LHPP: variants seen among roughly 807,000 people sequenced by gnomAD.
LHPP encodes hLHPP.
In LHPP, 24 loss-of-function variants were observed where a neutral mutation model predicts 30.3. The ratio of observed to expected loss-of-function variants is 0.79; its 90% CI spans 0.57 to 1.11. The LOEUF is 1.11. Among genes scored for constraint, LHPP ranks in the 50% most tolerant of loss-of-function variants. LHPP has a pLI of 0.00. For missense variants in LHPP, 356 were observed against 367.2 expected (o/e 0.97, Z 0.25); for synonymous variants, 150 against 157.1 (o/e 0.95, Z 0.34).
intron 5 of LHPP, among the ~76,000 whole-genome samples, chr10:124,504,599 CAAA>C (rs59159229): frequency 1.9e-5 from 2 of 105,726 alleles, no homozygotes; most frequent in Admixed American, 1.1e-4. Context: ...GACCCTGTCT[CAAA>C]AAAAAAAAAA....
chr10:124,559,552 C>T (rs756641572), intron 6 of LHPP, among the ~76,000 whole-genome samples: 7 of 152,262 alleles, frequency 4.6e-5, no homozygotes, highest in Non-Finnish European at 7.3e-5. Flanking sequence ...AGGTCACCAC[C>T]CTGGCCACAG....
In LHPP at chr10:124,488,528, G is replaced by C. The variant is rs139838027; in HGVS notation, c.420G>C (p.Gln140His). Reference sequence around the variant, plus strand: ...ATCAAAACATGAATAACGCCTTCCAGGTGCTCATGGAGCTGGAAAAACCTG... The same window carrying C: ...ATCAAAACATGAATAACGCCTTCCACGTGCTCATGGAGCTGGAAAAACCTG... ...FSYQNMNNAF[Q>H]VLMELEKPVL... The change falls in exon 3 of 7, where the codon CAG becomes CAC. Residue 140 changes from glutamine (Q) to histidine (H), a missense_variant. Coordinates refer to ENST00000368842, the MANE Select transcript of LHPP (RefSeq NM_022126.4). 1.5e-4 allele frequency: 237 copies of C among 1,613,858 alleles called. No homozygotes were observed. In the African/African-American group the frequency reaches 2.7e-3, roughly 18 times the overall value.
chr10:124,609,345 T>C (rs1270119546), intron 6 of LHPP, among the ~76,000 whole-genome samples: 2 of 152,110 alleles, frequency 1.3e-5, no homozygotes, highest in East Asian at 3.9e-4. Context: ...CAGGCTCAGG[T>C]GATCCTCCCA....
intron 6 of LHPP, among the ~76,000 whole-genome samples, chr10:124,611,659 C>T (rs1344163681): frequency 6.6e-6 from 1 of 152,076 alleles, no homozygotes; most frequent in Admixed American, 6.5e-5. Context: ...CCTCAGCAGT[C>T]CCTGAGGGCC....
In LHPP at chr10:124,520,958, C is replaced by T. The variant is rs183676282; in HGVS notation, c.716+3687C>T. 3.6e-3 allele frequency among the ~76,000 whole-genome samples: 550 copies of T among 152,254 alleles called. 9 individuals carry two copies. The highest frequency in any genetic ancestry group is 2.8e-3 in the Non-Finnish European group (193 of 68,028). ...ATGCTGATATTTCGTGTTAATTTCA[C>T]CCATTTATTTAAATTTTTGTTAACG... On this transcript the variant is annotated intron_variant, in intron 6 of 6. Coordinates refer to ENST00000368842, the MANE Select transcript of LHPP (RefSeq NM_022126.4).
intron 6 of LHPP, among the ~76,000 whole-genome samples, chr10:124,595,144 T>C (rs1948927335): frequency 6.6e-6 from 1 of 152,184 alleles, no homozygotes; most frequent in African/African-American, 2.4e-5. Context: ...CAGCCTCTGG[T>C]CCCCTCTGCC....
At chr10:124,486,344 A>T (rs529016269) in intron 2 of LHPP, among the ~76,000 whole-genome samples, 1 of 152,314 alleles carries the variant, frequency 6.6e-6, no homozygotes, top group Admixed American at 6.5e-5. Flanking sequence ...CTAGAATTTT[A>T]TGTAAATAGA....
chr10:124,521,192 G>A (rs1047694164), intron 6 of LHPP, among the ~76,000 whole-genome samples: 2 of 152,312 alleles, frequency 1.3e-5, no homozygotes, highest in South Asian at 2.1e-4. Context: ...AATTGCCTGC[G>A]TGGTGCTCCC....
chr10:124,534,138 ATAAG>A (rs1195822682), intron 6 of LHPP, among the ~76,000 whole-genome samples: 1 of 152,232 alleles, frequency 6.6e-6, no homozygotes, highest in East Asian at 1.9e-4. Flanking sequence ...CCTAGGCGTG[ATAAG>A]TGAGTGTGAC....
chr10:124,477,975 G>A (rs1019170345), intron 1 of LHPP, among the ~76,000 whole-genome samples: 1 of 152,150 alleles, frequency 6.6e-6, no homozygotes, highest in Non-Finnish European at 1.5e-5. Context: ...TGACTCCTCT[G>A]TTGGTAAACC....
intron 6 of LHPP, among the ~76,000 whole-genome samples, chr10:124,535,768 T>C (rs777796188): frequency 2.0e-4 from 31 of 152,236 alleles, no homozygotes; most frequent in Non-Finnish European, 5.9e-5. Context: ...TGAAGACCTG[T>C]GGGCCAGAGG....
rs544817587 is a variant in LHPP, at chr10:124,613,440, C to T, written c.*80C>T. The T allele has an allele frequency of 0.014, 14,059 of 978,356 alleles. 165 individuals carry two copies. The highest frequency in any genetic ancestry group is 0.019 in the Non-Finnish European group (12,021 of 637,156). The allele number at this position is 978,356 out of a possible 1,614,324, so 60.6% of individuals were successfully genotyped here. The stretch of plus-strand genomic sequence containing the variant: ...CTCCCCTCCACCCCTGCCTCTCCTC[C>T]ACCCGCCCAGGAGAGCCCCACCTCC... On this transcript the variant is annotated 3_prime_UTR_variant, in exon 7 of 7. Transcript: ENST00000368842.
intron 6 of LHPP, among the ~76,000 whole-genome samples, chr10:124,588,158 G>A (rs1186499827): frequency 2.6e-5 from 4 of 152,234 alleles, no homozygotes; most frequent in Admixed American, 6.5e-5. Context: ...GGCTTCATGT[G>A]TCAGGCCCAG....
intron 6 of LHPP, among the ~76,000 whole-genome samples, chr10:124,528,367 A>AT (rs936622286): frequency 2.7e-4 from 41 of 149,656 alleles, no homozygotes; most frequent in South Asian, 1.7e-3. Context: ...TTATTATTTT[A>AT]TTTTTTTTTG....
At chr10:124,540,120 G>A (rs938296113) in intron 6 of LHPP, among the ~76,000 whole-genome samples, 6 of 152,188 alleles carry the variant, frequency 3.9e-5, no homozygotes, top group African/African-American at 1.2e-4. Context: ...TTACCTGCAG[G>A]TGCCCTGGCC....
At chr10:124,507,530 G>A (rs1954161879) in intron 5 of LHPP, among the ~76,000 whole-genome samples, 1 of 12,252 alleles carries the variant, frequency 8.2e-5, no homozygotes, top group Non-Finnish European at 1.4e-4. Context: ...CAGGTGGGGA[G>A]GGTAGGGAGG....
chr10:124,610,149 T>C lies in LHPP; in HGVS notation c.717-3115T>C, dbSNP rs562563322. 7.9e-5 allele frequency among the ~76,000 whole-genome samples: 12 copies of C among 152,280 alleles called. No homozygotes were observed. The East Asian group carries it at 2.1e-3, about 27-fold the overall frequency. On this transcript the variant is annotated intron_variant, in intron 6 of 6. Coordinates refer to ENST00000368842, the MANE Select transcript of LHPP (RefSeq NM_022126.4). Reference sequence around the variant, plus strand: ...GCAGGATTGCGTGGTGCCAAGTCCCTATTTCAGCACTGACGCAGGATCACG... The same window carrying C: ...GCAGGATTGCGTGGTGCCAAGTCCCCATTTCAGCACTGACGCAGGATCACG...
intron 6 of LHPP, among the ~76,000 whole-genome samples, chr10:124,569,382 C>G (rs1355407003): frequency 3.3e-5 from 5 of 152,324 alleles, no homozygotes; most frequent in African/African-American, 1.2e-4. Flanking sequence ...CTCGGGACAG[C>G]CTACAGAGCT....
At chr10:124,589,212 G>A (rs1015606790) in intron 6 of LHPP, among the ~76,000 whole-genome samples, 17 of 152,356 alleles carry the variant, frequency 1.1e-4, no homozygotes, top group African/African-American at 3.8e-4. Context: ...CCTGCATAAG[G>A]CATCTCAGAG....
Sources: gnomAD v4.1 joint callset for allele counts (sites outside exome capture counted in the v4.1 genomes callset) on GRCh38, gnomAD v4.1.1 for gene constraint, MANE v1.5 for transcripts, NCBI Gene and HGNC (gene_info 2026-07-23, HGNC 2026-07-21) for gene names.